The following SPECC1 variants were observed in gnomAD, a reference collection of about 807,000 sequenced individuals.
SPECC1 encodes sperm antigen with calponin homology and coiled-coil domains 1.
In SPECC1, 62 loss-of-function variants were observed where a neutral mutation model predicts 104.1. That is an observed-to-expected ratio of 0.60 (90% CI 0.49 to 0.74). SPECC1 has a LOEUF of 0.74. Ranked by LOEUF, SPECC1 falls within the 30% of genes least tolerant of loss-of-function variation. The pLI is 0.00. For synonymous variants in SPECC1, 513 were observed against 501.6 expected (o/e 1.02, Z -0.30); for missense variants, 1,306 against 1,310.5 (o/e 1.00, Z 0.05).
intron 3 of SPECC1, among the ~76,000 whole-genome samples, chr17:20,168,748 T>C (rs1011695036): frequency 6.6e-6 from 1 of 152,236 alleles, no homozygotes; most frequent in Non-Finnish European, 1.5e-5. Context: ...GAAATGAGTA[T>C]ATAAATTCAG....
At chr17:20,209,253 C>T (rs1011405797) in intron 4 of SPECC1, among the ~76,000 whole-genome samples, 1 of 152,110 alleles carries the variant, frequency 6.6e-6, no homozygotes, top group Non-Finnish European at 1.5e-5. Context: ...CAAGCAACAA[C>T]GTGTACCCCA....
At chr17:20,310,810 G>A (rs2041908740) in intron 14 of SPECC1, among the ~76,000 whole-genome samples, 2 of 152,338 alleles carry the variant, frequency 1.3e-5, no homozygotes, top group Admixed American at 6.5e-5. Context: ...AACTTAATGA[G>A]CTGTGCTTAA....
chr17:20,167,992 CATA>C (rs1231764552), intron 3 of SPECC1, among the ~76,000 whole-genome samples: 1 of 152,108 alleles, frequency 6.6e-6, no homozygotes, highest in Non-Finnish European at 1.5e-5. Flanking sequence ...ATATTAAACA[CATA>C]AGACAGCTGA....
chr17:20,290,698 G>A lies in SPECC1; in HGVS notation c.2941-6263G>A, dbSNP rs533638137. On this transcript the variant is annotated intron_variant, in intron 12 of 14. Coordinates refer to ENST00000395527, the MANE Select transcript of SPECC1 (RefSeq NM_001243439.2). ...CCTGGCTAATTTTTAAATTTTTTTG[G>A]TAGACGTGAGGTTTCACCATGTTGC... Among the ~76,000 whole-genome samples, 155 of 151,982 alleles carry A rather than the reference G, an allele frequency of 1.0e-3. 1 individual carries two copies. Among genetic ancestry groups the A allele is most frequent in the African/African-American group, 3.4e-3 (141 of 41,436 alleles).
At chr17:20,115,582 G>A (rs2048716680) in intron 3 of SPECC1, among the ~76,000 whole-genome samples, 1 of 152,118 alleles carries the variant, frequency 6.6e-6, no homozygotes, top group African/African-American at 2.4e-5. Context: ...ACAACTAAGT[G>A]AATTTATGCC....
At chr17:20,288,324 G>C (rs1434917016) in intron 12 of SPECC1, among the ~76,000 whole-genome samples, 1 of 152,118 alleles carries the variant, frequency 6.6e-6, no homozygotes, top group Admixed American at 6.5e-5. Flanking sequence ...TAGGATTGCT[G>C]GGTCAAATGG....
At chr17:20,107,165 A>AAAAAG (rs1567847925) in intron 2 of SPECC1, among the ~76,000 whole-genome samples, 32 of 148,794 alleles carry the variant, frequency 2.2e-4, no homozygotes, top group African/African-American at 6.6e-4. Context: ...AAAAAAAAAA[A>AAAAAG]AAAAGAAAAG....
intron 3 of SPECC1, among the ~76,000 whole-genome samples, chr17:20,167,903 T>C (rs1332267534): frequency 6.6e-6 from 1 of 152,246 alleles, no homozygotes; most frequent in Non-Finnish European, 1.5e-5. Context: ...CTATAACTTG[T>C]ACATTTAATC....
chr17:20,170,254 A>G (rs2033982684), intron 3 of SPECC1, among the ~76,000 whole-genome samples: 2 of 152,186 alleles, frequency 1.3e-5, no homozygotes, highest in South Asian at 2.1e-4. Flanking sequence ...TGCCATCTCC[A>G]TGGTCTCCAA....
At chr17:20,241,315 C>A (rs767396039) in intron 7 of SPECC1, among the ~76,000 whole-genome samples, 6 of 152,106 alleles carry the variant, frequency 3.9e-5, no homozygotes, top group Non-Finnish European at 5.9e-5. Flanking sequence ...CCTATCCTGC[C>A]CCTTGTCACT....
intron 1 of SPECC1, among the ~76,000 whole-genome samples, chr17:20,037,099 A>G (rs1307925736): frequency 6.6e-6 from 1 of 152,198 alleles, no homozygotes; most frequent in African/African-American, 2.4e-5. Context: ...ACGTTCATAT[A>G]GTGGGTTACC....
chr17:20,305,692 T>G (rs1248528469), intron 13 of SPECC1: 2 of 231,606 alleles, frequency 8.6e-6, no homozygotes. Context: ...TTTGATAATT[T>G]TTTTGATATA....
intron 3 of SPECC1, 83 bp downstream of exon 3, chr17:20,110,645 T>G: frequency 7.2e-7 from 1 of 1,395,920 alleles, no homozygotes; most frequent in South Asian, 1.6e-5. Context: ...GACCCATCCA[T>G]TCCTTCCCTC....
chr17:20,309,815 CTTTT>C (rs763244105), intron 14 of SPECC1, among the ~76,000 whole-genome samples: 9 of 103,376 alleles, frequency 8.7e-5, no homozygotes, highest in Middle Eastern at 0.01. Flanking sequence ...TTCTCCTTTT[CTTTT>C]TTTTTTTTTT....
rs555265131 is a variant in SPECC1 at position 20,151,645 on chromosome 17, T to C, written c.283+41083T>C. ...GTGTTGCTTGATTCCACTGGACTCT[T>C]TGATTCCACAGGAAATTTTATCCTG... On this transcript the variant is annotated intron_variant, in intron 3 of 14. Coordinates refer to ENST00000395527, the MANE Select transcript of SPECC1 (RefSeq NM_001243439.2). Among the ~76,000 whole-genome samples, 11 of 152,314 alleles carry C rather than the reference T, an allele frequency of 7.2e-5. No individual in the cohort carries two copies. In the South Asian group the frequency reaches 2.3e-3, roughly 32 times the overall value.
intron 11 of SPECC1, among the ~76,000 whole-genome samples, chr17:20,257,910 A>G (rs1039631280): frequency 2.0e-5 from 3 of 152,236 alleles, no homozygotes; most frequent in Admixed American, 6.5e-5. Flanking sequence ...AGGTACCATT[A>G]CAAGCACGCT....
At chr17:20,039,108 CATG>C (rs1209882952) in intron 1 of SPECC1, among the ~76,000 whole-genome samples, 1 of 152,226 alleles carries the variant, frequency 6.6e-6, no homozygotes, top group Non-Finnish European at 1.5e-5. Flanking sequence ...TCTCCCTCCC[CATG>C]CAGCTCTTCC....
Position 20,022,349 on chromosome 17 carries a change from C to A in SPECC1, c.-22+12925C>A, listed in dbSNP as rs564964294. Among the ~76,000 whole-genome samples, 143 of 152,282 alleles carry A rather than the reference C, an allele frequency of 9.4e-4. 1 individual carries two copies. The highest frequency in any genetic ancestry group is 1.8e-3 in the Non-Finnish European group (123 of 68,010). On this transcript the variant is annotated intron_variant, in intron 1 of 14. Coordinates refer to ENST00000395527, the MANE Select transcript of SPECC1 (RefSeq NM_001243439.2). Reference sequence around the variant, plus strand: ...TTTCCATTGACATAAGTTGCCTGTTCATGTCCTTTCCCCATGTTTCAACTG... The same window carrying A: ...TTTCCATTGACATAAGTTGCCTGTTAATGTCCTTTCCCCATGTTTCAACTG...
intron 1 of SPECC1, among the ~76,000 whole-genome samples, chr17:20,020,821 A>T (rs569856361): frequency 6.6e-6 from 1 of 152,240 alleles, no homozygotes; most frequent in South Asian, 2.1e-4. Context: ...AGCTATTCTA[A>T]TGAGGTTCAT....
Sources: gnomAD v4.1 joint callset for allele counts (sites outside exome capture counted in the v4.1 genomes callset) on GRCh38, gnomAD v4.1.1 for gene constraint, MANE v1.5 for transcripts, NCBI Gene and HGNC (gene_info 2026-07-23, HGNC 2026-07-21) for gene names.